Variants in DRC8 observed in about 807,000 individuals in gnomAD.
DRC8 encodes the protein dynein regulatory complex subunit 8.
At chr1:245,036,025 A>G in the DRC8 span, among the ~76,000 whole-genome samples, 1 of 150,508 alleles carries the variant, frequency 6.6e-6, no homozygotes, top group African/African-American at 2.5e-5. Context: ...ACCCAAGACA[A>G]AAATAGATAA....
At chr1:244,970,376 G>A in the DRC8 span, 1 of 1,533,626 alleles carries the variant, frequency 6.5e-7, no homozygotes, top group East Asian at 2.5e-5. Flanking sequence ...CCGCGGCCGA[G>A]GTTATCGTTA....
chr1:245,070,229 A>G, the DRC8 span, among the ~76,000 whole-genome samples: 1 of 152,204 alleles, frequency 6.6e-6, no homozygotes, highest in African/African-American at 2.4e-5. Flanking sequence ...TTCCATGCCA[A>G]TATTCTACTA....
the DRC8 span, among the ~76,000 whole-genome samples, chr1:245,121,053 T>A: frequency 6.6e-6 from 1 of 152,274 alleles, no homozygotes; most frequent in East Asian, 1.9e-4. Flanking sequence ...TTTGGTCAAC[T>A]ACATTTTTCT....
At chr1:245,118,597 G>A in the DRC8 span, among the ~76,000 whole-genome samples, 1 of 152,212 alleles carries the variant, frequency 6.6e-6, no homozygotes, top group Admixed American at 6.5e-5. Context: ...TACGAGATCA[G>A]CCTGACCAAC....
At chr1:245,070,000 G>T in the DRC8 span, among the ~76,000 whole-genome samples, 1 of 151,948 alleles carries the variant, frequency 6.6e-6, no homozygotes, top group Non-Finnish European at 1.5e-5. Context: ...AGCTATCGTG[G>T]CACCACCACA....
At chr1:244,981,800 A>G in the DRC8 span, among the ~76,000 whole-genome samples, 2 of 152,162 alleles carry the variant, frequency 1.3e-5, no homozygotes, top group African/African-American at 2.4e-5. Context: ...AGAGCCAAGC[A>G]AGGTTGGTTT....
the DRC8 span, among the ~76,000 whole-genome samples, chr1:245,113,453 C>A: frequency 6.6e-6 from 1 of 152,100 alleles, no homozygotes; most frequent in South Asian, 2.1e-4. Flanking sequence ...TTAGAAGGCC[C>A]GCTGTGTGCT....
chr1:245,104,390 G>A, the DRC8 span, among the ~76,000 whole-genome samples: 2 of 152,000 alleles, frequency 1.3e-5, no homozygotes, highest in Non-Finnish European at 2.9e-5. Context: ...TGTAATCCCA[G>A]CTACTCGGGC....
chr1:244,996,448 C>A, the DRC8 span, among the ~76,000 whole-genome samples: 6 of 152,130 alleles, frequency 3.9e-5, no homozygotes, highest in Admixed American at 2.0e-4. Flanking sequence ...TGGACGTTAC[C>A]AGGAGGCAGG....
At chr1:244,992,571 T>C in the DRC8 span, among the ~76,000 whole-genome samples, 2 of 152,196 alleles carry the variant, frequency 1.3e-5, no homozygotes, top group Non-Finnish European at 2.9e-5. Context: ...AAACCCTGTC[T>C]CTACTAAAAA....
the DRC8 span, among the ~76,000 whole-genome samples, chr1:245,077,772 A>G: frequency 6.6e-6 from 1 of 152,310 alleles, no homozygotes; most frequent in South Asian, 2.1e-4. Context: ...ATAAAACTAG[A>G]AGAAAACATA....
At chr1:245,018,795 C>T in the DRC8 span, among the ~76,000 whole-genome samples, 3,540 of 152,210 alleles carry the variant, frequency 0.023, 146 homozygotes, top group African/African-American at 0.081. Flanking sequence ...AGAGGCTTCA[C>T]GTGGATTACC....
At chr1:244,972,114 T>G in the DRC8 span, among the ~76,000 whole-genome samples, 7 of 152,190 alleles carry the variant, frequency 4.6e-5, no homozygotes, top group Non-Finnish European at 8.8e-5. Flanking sequence ...ACTGAGAGCT[T>G]TCCTGATTTT....
chr1:244,983,987 C>G, the DRC8 span, among the ~76,000 whole-genome samples: 7,758 of 152,012 alleles, frequency 0.051, 294 homozygotes, highest in Non-Finnish European at 0.078. Context: ...CAGGGTTTCT[C>G]TCTGTCATCC....
chr1:244,970,306 A>C, the DRC8 span: 1 of 862,798 alleles, frequency 1.2e-6, no homozygotes, highest in Non-Finnish European at 1.8e-6. Context: ...CTCCCCCGGG[A>C]TTCAGAGCGG....
the DRC8 span, among the ~76,000 whole-genome samples, chr1:245,015,965 CTTTT>C: frequency 5.2e-5 from 3 of 57,208 alleles, no homozygotes; most frequent in Admixed American, 4.9e-4. Flanking sequence ...GCCTACAGGG[CTTTT>C]TTTTTTTTTT....
chr1:244,989,769 T>G, the DRC8 span, among the ~76,000 whole-genome samples: 7 of 152,242 alleles, frequency 4.6e-5, no homozygotes, highest in Non-Finnish European at 7.3e-5. Flanking sequence ...GAAATTCTTC[T>G]GAACAGAAGA....
chr1:245,069,349 A>C, the DRC8 span, among the ~76,000 whole-genome samples: 1 of 152,302 alleles, frequency 6.6e-6, no homozygotes, highest in Admixed American at 6.5e-5. Context: ...GTTACTATCC[A>C]ACAAGTGGAA....
the DRC8 span, among the ~76,000 whole-genome samples, chr1:245,106,261 T>C: frequency 6.6e-6 from 1 of 152,214 alleles, no homozygotes; most frequent in South Asian, 2.1e-4. Context: ...GTTACACTGC[T>C]CTTTCTGTCA....
Sources: gnomAD v4.1 joint callset for allele counts (sites outside exome capture counted in the v4.1 genomes callset) on GRCh38, gnomAD v4.1.1 for gene constraint, MANE v1.5 for transcripts, NCBI Gene and HGNC (gene_info 2026-07-23, HGNC 2026-07-21) for gene names.